Variants in RASA3 observed in about 807,000 individuals in gnomAD.
The protein encoded by RASA3 is RAS p21 protein activator 3, also known as ras GTPase-activating protein 3.
In RASA3, 73 loss-of-function variants were observed where a neutral mutation model predicts 110.0. That is an observed-to-expected ratio of 0.66 (90% confidence interval 0.55 to 0.81). The LOEUF is 0.81. Among genes scored for constraint, RASA3 ranks in the 30% least tolerant of loss-of-function variants. RASA3 has a pLI of 0.00. For missense variants in RASA3, 976 were observed against 1,113.2 expected (o/e 0.88, Z 1.75); for synonymous variants, 500 against 451.4 (o/e 1.11, Z -1.37).
rs867131458 is a variant in RASA3 at position 114,069,225 on chromosome 13, A to G, written c.173+4495T>C. Reference sequence around the variant, plus strand: ...TCAGACGGCGATATTGGGCAACAGCAAATCAAACTTGACCCAAGTGCTTCT... The same window carrying G: ...TCAGACGGCGATATTGGGCAACAGCGAATCAAACTTGACCCAAGTGCTTCT... On this transcript the variant is annotated intron_variant, in intron 2 of 23. Transcript: ENST00000334062. Among the ~76,000 whole-genome samples, 5 of 152,052 alleles carry G rather than the reference A, an allele frequency of 3.3e-5. No homozygotes were observed. The South Asian group carries it at 1.0e-3, about 32-fold the overall frequency.
chr13:114,028,240 T>TG (rs34644607), intron 5 of RASA3, among the ~76,000 whole-genome samples: 8,652 of 39,172 alleles, frequency 0.22, 258 homozygotes, highest in African/African-American at 0.32. Flanking sequence ...AGTGTCATCC[T>TG]GGGGGCCAGG....
intron 16 of RASA3, among the ~76,000 whole-genome samples, chr13:114,010,453 C>G (rs1190815987): frequency 6.6e-6 from 1 of 151,814 alleles, no homozygotes; most frequent in Non-Finnish European, 1.5e-5. Flanking sequence ...CTCAAACACA[C>G]AAGGTGCTCT....
chr13:114,080,987 T>TCCACCTAGAACACCAAGAGTGCCCCA (rs2079777889), intron 1 of RASA3, among the ~76,000 whole-genome samples: 2 of 97,460 alleles, frequency 2.1e-5, no homozygotes, highest in Admixed American at 1.2e-4. Flanking sequence ...AGAGTGCCCC[T>TCCACCTAGAACACCAAGAGTGCCCCA]CGGCAGAGGG....
intron 22 of RASA3, among the ~76,000 whole-genome samples, chr13:113,991,514 C>T (rs984707085): frequency 5.9e-5 from 9 of 152,206 alleles, no homozygotes; most frequent in Non-Finnish European, 8.8e-5. Context: ...TAGAAACAAA[C>T]GCAGCTGCTT....
intron 2 of RASA3, among the ~76,000 whole-genome samples, chr13:114,061,514 C>CA (rs11297076): frequency 3.0e-3 from 417 of 137,378 alleles, no homozygotes; most frequent in South Asian, 6.7e-3. Context: ...ACTAAAAATA[C>CA]AAAAAAAAAA....
At chr13:114,078,004 A>C (rs1233128844) in intron 1 of RASA3, 11 of 984,896 alleles carry the variant, frequency 1.1e-5, no homozygotes, top group African/African-American at 1.7e-5. Flanking sequence ...AAAAAAAAAA[A>C]AAAACTCCTG....
At chr13:113,990,225 A>G (rs1169745499) in intron 22 of RASA3, among the ~76,000 whole-genome samples, 2 of 152,036 alleles carry the variant, frequency 1.3e-5, no homozygotes, top group African/African-American at 4.8e-5. Flanking sequence ...TTTTCTTTAT[A>G]GCAACATGAG....
chr13:114,096,996 C>T lies in RASA3; in HGVS notation c.56-23159G>A, dbSNP rs998992510. 2.6e-4 allele frequency among the ~76,000 whole-genome samples: 39 copies of T among 152,298 alleles called. No homozygotes were observed. Among genetic ancestry groups the T allele is most frequent in the Non-Finnish European group, 1.6e-4 (11 of 68,028 alleles). ...AGGCCACTCTGAGTCTGCTCCTCCA[C>T]GAGGCTCCCAGATCACCCCCAAAGC... is the stretch of plus-strand genomic sequence containing the variant. On this transcript the variant is annotated intron_variant, in intron 1 of 23. Coordinates refer to ENST00000334062, the MANE Select transcript of RASA3 (RefSeq NM_007368.4). This position sits in a 1 kb window ranked among gnomAD's most constrained non-coding sequence, Gnocchi z 5.1.
At chr13:114,007,716 G>A in intron 17 of RASA3, 110 bp from the exon 18 acceptor site, 2 of 888,752 alleles carry the variant, frequency 2.3e-6, no homozygotes, top group South Asian at 1.4e-5. Flanking sequence ...AATACCAGTG[G>A]AGACAGAATC....
chr13:114,013,922 C>CTCCCT (rs2053722281), intron 14 of RASA3, among the ~76,000 whole-genome samples: 1 of 93,050 alleles, frequency 1.1e-5, no homozygotes, highest in African/African-American at 4.7e-5. Flanking sequence ...CTCTCTCTCT[C>CTCCCT]CGTCTCTCTC....
chr13:114,068,919 G>A (rs952950418), intron 2 of RASA3, among the ~76,000 whole-genome samples: 1 of 152,214 alleles, frequency 6.6e-6, no homozygotes, highest in Non-Finnish European at 1.5e-5. Context: ...ACCTGTGACA[G>A]ACACTGCCCT....
At chr13:113,995,841 C>G (rs1451187984) in intron 21 of RASA3, among the ~76,000 whole-genome samples, 2 of 36,562 alleles carry the variant, frequency 5.5e-5, no homozygotes, top group Admixed American at 3.1e-4. Context: ...TGACGGGGGG[C>G]CCGGCTGACG....
At position 113,978,958 on chromosome 13, in the gene RASA3, C is replaced by T. The variant is rs928827996; in HGVS notation, c.*389G>A. ...ACACGCACCGTGCACGCAAGACAGA[C>T]GTGCACGAGACTGACGCACACACGG... On this transcript the variant is annotated 3_prime_UTR_variant, in exon 24 of 24. Coordinates refer to ENST00000334062, the MANE Select transcript of RASA3 (RefSeq NM_007368.4). 2 of 268,934 alleles carry T rather than the reference C, an allele frequency of 7.4e-6. No homozygotes were observed. Among genetic ancestry groups the T allele is most frequent in the Admixed American group, 4.9e-5 (1 of 20,592 alleles). The allele number at this position is 268,934 out of a possible 1,614,324, so 16.7% of individuals were successfully genotyped here.
chr13:114,117,119 TGA>T (rs1301967570), intron 1 of RASA3, among the ~76,000 whole-genome samples: 1 of 120,248 alleles, frequency 8.3e-6, no homozygotes, highest in Non-Finnish European at 1.7e-5. Context: ...AGCACGTGTG[TGA>T]GGGATGCATG....
intron 1 of RASA3, among the ~76,000 whole-genome samples, chr13:114,128,540 C>T (rs1312705282): frequency 6.6e-6 from 1 of 152,246 alleles, no homozygotes; most frequent in South Asian, 2.1e-4. Flanking sequence ...CCTATTCTCA[C>T]CCGGTGCCAC....
chr13:114,034,150 C>G (rs1013552991), intron 4 of RASA3, among the ~76,000 whole-genome samples: 13 of 151,248 alleles, frequency 8.6e-5, no homozygotes, highest in African/African-American at 2.2e-4. Context: ...CAGCCGGGCA[C>G]TGGGCCTGCT....
intron 3 of RASA3, among the ~76,000 whole-genome samples, chr13:114,041,643 TGCGA>T (rs1315164621): frequency 7.9e-5 from 12 of 152,226 alleles, no homozygotes; most frequent in Non-Finnish European, 7.3e-5. Context: ...TGTGCACCCG[TGCGA>T]GCGACAGCCT....
intron 7 of RASA3, among the ~76,000 whole-genome samples, chr13:114,027,017 C>CA (rs1438030960): frequency 6.6e-5 from 10 of 152,122 alleles, no homozygotes; most frequent in East Asian, 1.9e-4. Flanking sequence ...GCAGAGCAGC[C>CA]AAAAAAACAA....
At position 114,056,202 on chromosome 13, in the gene RASA3, G is replaced by A. The variant is rs966206751; in HGVS notation, c.174-4047C>T. On this transcript the variant is annotated intron_variant, in intron 2 of 23. Coordinates refer to ENST00000334062, the MANE Select transcript of RASA3 (RefSeq NM_007368.4). The surrounding 1 kb of genome is among the most constrained non-coding windows in gnomAD (Gnocchi z 5.7). The stretch of plus-strand genomic sequence containing the variant: ...TGGATTGCATGTCTGATGTGTGTCC[G>A]ATGAATGTCCAGTGCGTGTCCAATG... Among the ~76,000 whole-genome samples the A allele has an allele frequency of 1.3e-5, 2 of 152,210 alleles. No individual in the cohort carries two copies. Among genetic ancestry groups the A allele is most frequent in the African/African-American group, 2.4e-5 (1 of 41,444 alleles).
Sources: gnomAD v4.1 joint callset for allele counts (sites outside exome capture counted in the v4.1 genomes callset) on GRCh38, gnomAD v4.1.1 for gene constraint, Gnocchi (gnomAD v3.1) non-coding constraint, MANE v1.5 for transcripts, NCBI Gene and HGNC (gene_info 2026-07-23, HGNC 2026-07-21) for gene names.